ZEB1: variants seen among roughly 807,000 people sequenced by gnomAD.
ZEB1 encodes the protein zinc finger E-box-binding homeobox 1.
In ZEB1, 21 loss-of-function variants were observed where a neutral mutation model predicts 84.9. That is an observed-to-expected ratio of 0.25 (90% CI 0.18 to 0.36). The LOEUF (loss-of-function observed/expected upper bound fraction) is 0.36, where lower values mean the gene tolerates loss of function less well. ZEB1 is among the 10% of genes least tolerant of loss of function. ZEB1 has a pLI of 1.00. For synonymous variants in ZEB1, 420 were observed against 471.1 expected, an observed-to-expected ratio of 0.89 and a Z score of 1.41; for missense variants, 1,104 against 1,330.2, an observed-to-expected ratio of 0.83 and a Z score of 2.65.
At chr10:31,420,933 G>T (rs1191761808) in intron 1 of ZEB1, among the ~76,000 whole-genome samples, 1 of 152,092 alleles carries the variant, frequency 6.6e-6, no homozygotes, top group Non-Finnish European at 1.5e-5. Context: ...CAACAGTCCA[G>T]CCTGTTTCTT....
intron 1 of ZEB1, among the ~76,000 whole-genome samples, chr10:31,341,000 A>G (rs2039247926): frequency 6.6e-6 from 1 of 152,094 alleles, no homozygotes; most frequent in South Asian, 2.1e-4. Flanking sequence ...TAAGAGAGTG[A>G]TTGGAGTTGA....
chr10:31,351,490 A>ATT (rs2041311758), intron 1 of ZEB1, among the ~76,000 whole-genome samples: 1 of 152,110 alleles, frequency 6.6e-6, no homozygotes, highest in Admixed American at 6.5e-5. Flanking sequence ...TGAAGACTGT[A>ATT]TTAGGTATTT....
chr10:31,511,048 T>G (rs1296276658), intron 5 of ZEB1, among the ~76,000 whole-genome samples, 173 bp downstream of exon 5: 1 of 152,256 alleles, frequency 6.6e-6, no homozygotes, highest in Admixed American at 6.5e-5. Flanking sequence ...TGGTCATTCC[T>G]GAGATTAAAA....
chr10:31,461,660 A>G (rs2061835591), intron 2 of ZEB1, among the ~76,000 whole-genome samples: 1 of 152,108 alleles, frequency 6.6e-6, no homozygotes, highest in Non-Finnish European at 1.5e-5. Context: ...AAACCTCTCT[A>G]TACATACATC....
chr10:31,322,172 C>T (rs530414285), intron 1 of ZEB1: 1 of 152,834 alleles, frequency 6.5e-6, no homozygotes, highest in African/African-American at 2.4e-5. Flanking sequence ...TGATTATAGC[C>T]ATGCTATTTG....
At chr10:31,379,797 C>T (rs2047317128) in intron 1 of ZEB1, among the ~76,000 whole-genome samples, 1 of 151,894 alleles carries the variant, frequency 6.6e-6, no homozygotes, top group Non-Finnish European at 1.5e-5. Flanking sequence ...CTAGATTTAA[C>T]AATCAGCAAA....
At chr10:31,404,324 C>T (rs1319863563) in intron 1 of ZEB1, among the ~76,000 whole-genome samples, 2 of 151,854 alleles carry the variant, frequency 1.3e-5, no homozygotes, top group East Asian at 1.9e-4. Flanking sequence ...ATGTAGGCCT[C>T]TGCTTACCTG....
At position 31,474,685 on chromosome 10, in the gene ZEB1, A is replaced by G. The variant is rs2063803592; in HGVS notation, c.259+13448A>G. On this transcript the variant is annotated intron_variant, in intron 2 of 8. Transcript: ENST00000424869. ...TCAGGGATCTAGAACTAGAAATACC[A>G]TTTGACCCAGCTATCCCATTACTGG... Among the ~76,000 whole-genome samples, 4 of 152,166 alleles carry G rather than the reference A, an allele frequency of 2.6e-5. No individual in the cohort carries two copies. The South Asian group carries it at 8.3e-4, about 32-fold the overall frequency.
At chr10:31,352,008 C>T (rs1243297359) in intron 1 of ZEB1, among the ~76,000 whole-genome samples, 1 of 151,994 alleles carries the variant, frequency 6.6e-6, no homozygotes, top group Non-Finnish European at 1.5e-5. Context: ...CTTTATATAG[C>T]CCATAATCAT....
At chr10:31,342,798 A>T (rs1466557310) in intron 1 of ZEB1, among the ~76,000 whole-genome samples, 1 of 152,146 alleles carries the variant, frequency 6.6e-6, no homozygotes, top group African/African-American at 2.4e-5. Flanking sequence ...CCCCATATGG[A>T]TAAGCTCGTT....
rs1439357617 is a variant in ZEB1, at chr10:31,520,580, A to T, written c.1248A>T (p.Val416=). The change falls in exon 7 of 9, where the codon GTA becomes GTT. Residue 416 remains valine, a synonymous_variant. Transcript: ENST00000424869. The surrounding 1 kb of genome is among the most constrained non-coding windows in gnomAD (Gnocchi z 5.1). ...ISINLSDIQN[V]LKVAVDGNVI... ...TCAATTTAAGTGATATTCAGAATGT[A>T]CTTAAAGTGGCGGTAGATGGTAATG... The T allele has an allele frequency of 6.2e-7, 1 of 1,614,010 alleles. No homozygotes were observed.
intron 6 of ZEB1, among the ~76,000 whole-genome samples, chr10:31,516,718 A>C (rs2071232163): frequency 6.6e-6 from 1 of 152,078 alleles, no homozygotes; most frequent in African/African-American, 2.4e-5. Flanking sequence ...AACACAGCAG[A>C]GAATTTGATA....
intron 1 of ZEB1, among the ~76,000 whole-genome samples, chr10:31,353,271 T>C (rs2041598425): frequency 6.6e-6 from 1 of 152,250 alleles, no homozygotes; most frequent in Admixed American, 6.5e-5. Context: ...CTTAAAGGTA[T>C]GTTTTAAAGA....
At chr10:31,342,628 A>G (rs1281297464) in intron 1 of ZEB1, among the ~76,000 whole-genome samples, 1 of 152,156 alleles carries the variant, frequency 6.6e-6, no homozygotes, top group Non-Finnish European at 1.5e-5. Context: ...ATCCTCATAA[A>G]TGAAGTGGTA....
In ZEB1 at chr10:31,453,890, T is replaced by A. The variant is rs1267130804; in HGVS notation, c.59-7147T>A. Among the ~76,000 whole-genome samples the A allele has an allele frequency of 3.9e-5, 6 of 152,156 alleles. No individual in the cohort carries two copies. The South Asian group carries it at 1.0e-3, about 26-fold the overall frequency. On this transcript the variant is annotated intron_variant, in intron 1 of 8. Coordinates refer to ENST00000424869, the MANE Select transcript of ZEB1 (RefSeq NM_001174096.2). ...TTCCAAATAATAGAAAAAGAGGGAA[T>A]CCTCCCGAACTCATTTTATGAGGCC...
At chr10:31,433,807 G>C (rs936605687) in intron 1 of ZEB1, among the ~76,000 whole-genome samples, 1 of 152,194 alleles carries the variant, frequency 6.6e-6, no homozygotes, top group South Asian at 2.1e-4. Context: ...TGCTGCCTTG[G>C]TAAGTGCTAA....
At chr10:31,424,842 T>C (rs1029898224) in intron 1 of ZEB1, among the ~76,000 whole-genome samples, 2 of 152,038 alleles carry the variant, frequency 1.3e-5, no homozygotes, top group Non-Finnish European at 2.9e-5. Flanking sequence ...TTTTATTGCC[T>C]TATTTTACAT....
chr10:31,391,791 A>G (rs1221556913), intron 1 of ZEB1, among the ~76,000 whole-genome samples: 1 of 152,174 alleles, frequency 6.6e-6, no homozygotes, highest in Non-Finnish European at 1.5e-5. Flanking sequence ...GGATCCTTGG[A>G]TGGATTTCAG....
Position 31,450,101 on chromosome 10 carries a change from G to A in ZEB1, c.59-10936G>A, listed in dbSNP as rs182770773. 1.5e-3 allele frequency among the ~76,000 whole-genome samples: 229 copies of A among 152,214 alleles called. 1 individual carries two copies. The highest frequency in any genetic ancestry group is 1.5e-3 in the Non-Finnish European group (103 of 68,010). ...TAAGTCATTTAGATTTAGAATCCAA[G>A]ATACCATGTGTAGCATTTGGATCAA... is the stretch of plus-strand genomic sequence containing the variant. On this transcript the variant is annotated intron_variant, in intron 1 of 8. Transcript: ENST00000424869.
Sources: gnomAD v4.1 joint callset for allele counts (sites outside exome capture counted in the v4.1 genomes callset) on GRCh38, gnomAD v4.1.1 for gene constraint, Gnocchi (gnomAD v3.1) non-coding constraint, MANE v1.5 for transcripts, NCBI Gene and HGNC (gene_info 2026-07-23, HGNC 2026-07-21) for gene names.